Variants in ERBB4 observed in about 807,000 individuals in gnomAD.
ERBB4 encodes erb-b2 receptor tyrosine kinase 4.
In ERBB4, 42 loss-of-function variants were observed where a neutral mutation model predicts 158.0. The ratio of observed to expected loss-of-function variants is 0.27; its 90% CI spans 0.21 to 0.34. The LOEUF (loss-of-function observed/expected upper bound fraction) is 0.34. Among genes scored for constraint, ERBB4 ranks in the 10% least tolerant of loss-of-function variants. ERBB4 has a pLI of 1.00. For missense variants in ERBB4, 1,333 were observed against 1,624.1 expected, an observed-to-expected ratio of 0.82 and a Z score of 3.08; for synonymous variants, 583 against 558.7, an observed-to-expected ratio of 1.04 and a Z score of -0.61.
intron 1 of ERBB4, among the ~76,000 whole-genome samples, chr2:212,131,402 C>T (rs1190942780): frequency 2.0e-5 from 3 of 152,136 alleles, no homozygotes; most frequent in African/African-American, 7.2e-5. Flanking sequence ...TTGTAAGAAT[C>T]TGTAGTCATC....
intron 3 of ERBB4, among the ~76,000 whole-genome samples, chr2:211,890,481 G>A (rs528703043): frequency 1.3e-5 from 2 of 151,972 alleles, no homozygotes; most frequent in Admixed American, 6.6e-5. Context: ...TCGAGACTAG[G>A]AAGAACCTGC....
At chr2:211,910,955 C>G (rs980077179) in intron 3 of ERBB4, among the ~76,000 whole-genome samples, 1 of 152,104 alleles carries the variant, frequency 6.6e-6, no homozygotes, top group African/African-American at 2.4e-5. Flanking sequence ...CAAAACAGAA[C>G]AGTGCTAACC....
intron 14 of ERBB4, among the ~76,000 whole-genome samples, chr2:211,669,216 C>CAAAAAAAAAAAAAAAAA (rs71054124): frequency 7.1e-5 from 4 of 56,106 alleles, no homozygotes; most frequent in Non-Finnish European, 1.4e-4. Context: ...GAGTGAGTCT[C>CAAAAAAAAAAAAAAAAA]AAAAAAAAAA....
intron 25 of ERBB4, among the ~76,000 whole-genome samples, chr2:211,406,536 C>T (rs1261133015): frequency 1.3e-5 from 2 of 152,028 alleles, no homozygotes; most frequent in African/African-American, 2.4e-5. Flanking sequence ...ATATACTCAT[C>T]TTTAATGTAC....
chr2:212,534,138 A>T (rs1433444139), intron 1 of ERBB4, among the ~76,000 whole-genome samples: 1 of 152,224 alleles, frequency 6.6e-6, no homozygotes, highest in African/African-American at 2.4e-5. Flanking sequence ...TTTTAAGAAC[A>T]TGTTAACTTT....
intron 4 of ERBB4, among the ~76,000 whole-genome samples, chr2:211,757,331 T>C (rs11685867): frequency 0.43 from 65,477 of 151,996 alleles, 14,753 homozygotes; most frequent in Middle Eastern, 0.56. Flanking sequence ...TGCTAAAAAA[T>C]ATGAAGTTAA....
chr2:212,415,220 T>C (rs1005643702), intron 1 of ERBB4, among the ~76,000 whole-genome samples: 22 of 152,168 alleles, frequency 1.4e-4, no homozygotes, highest in South Asian at 4.1e-4. Flanking sequence ...TAATTTGATT[T>C]ATAAAAAAGG....
At chr2:211,842,624 T>C (rs565520325) in intron 3 of ERBB4, among the ~76,000 whole-genome samples, 11 of 152,124 alleles carry the variant, frequency 7.2e-5, no homozygotes, top group African/African-American at 2.4e-4. Flanking sequence ...TGCCTAAACA[T>C]TTTATTTTGT....
chr2:211,953,163 A>T (rs1268247563), intron 2 of ERBB4, among the ~76,000 whole-genome samples: 3 of 152,038 alleles, frequency 2.0e-5, no homozygotes, highest in African/African-American at 7.2e-5. Flanking sequence ...TGAACTTGCC[A>T]CTAATACAAA....
At chr2:211,557,320 GAAAA>G (rs1422375018) in intron 20 of ERBB4, among the ~76,000 whole-genome samples, 2 of 152,082 alleles carry the variant, frequency 1.3e-5, no homozygotes, top group African/African-American at 4.8e-5. Context: ...TCCACAGAGT[GAAAA>G]GATAACTTAC....
At chr2:211,738,641 C>T (rs1381643451) in intron 5 of ERBB4, among the ~76,000 whole-genome samples, 7 of 147,108 alleles carry the variant, frequency 4.8e-5, no homozygotes, top group Non-Finnish European at 6.0e-5. Flanking sequence ...CAGAGTGCTG[C>T]GGTTACAGGC....
intron 1 of ERBB4, among the ~76,000 whole-genome samples, chr2:212,145,862 C>T (rs1269976582): frequency 1.3e-5 from 2 of 151,934 alleles, no homozygotes; most frequent in Non-Finnish European, 2.9e-5. Flanking sequence ...CTTTCCTACC[C>T]ATCCTTCAAA....
intron 18 of ERBB4, among the ~76,000 whole-genome samples, chr2:211,622,715 T>C (rs1461815692): frequency 2.0e-5 from 3 of 151,236 alleles, no homozygotes; most frequent in Non-Finnish European, 4.4e-5. Flanking sequence ...CCTCTAATCC[T>C]AGCACTTTGG....
At chr2:211,817,966 T>A (rs945680190) in intron 3 of ERBB4, among the ~76,000 whole-genome samples, 12 of 152,180 alleles carry the variant, frequency 7.9e-5, no homozygotes, top group Non-Finnish European at 1.3e-4. Context: ...AGAAGACAGA[T>A]AAGAACTCAT....
At chr2:212,233,124 C>G in intron 1 of ERBB4, among the ~76,000 whole-genome samples, 1 of 152,068 alleles carries the variant, frequency 6.6e-6, no homozygotes, top group East Asian at 1.9e-4. Flanking sequence ...TTTTAAATCA[C>G]TATTTTTGAG....
intron 3 of ERBB4, among the ~76,000 whole-genome samples, chr2:211,893,030 G>T (rs1390676064): frequency 6.7e-6 from 1 of 148,232 alleles, no homozygotes; most frequent in Non-Finnish European, 1.5e-5. Context: ...AAGCTACCAA[G>T]ACTTTCCTCA....
At chr2:211,738,795 T>C (rs1575075830) in intron 5 of ERBB4, among the ~76,000 whole-genome samples, 1 of 151,398 alleles carries the variant, frequency 6.6e-6, no homozygotes, top group South Asian at 2.1e-4. Context: ...GCCTCCCAAA[T>C]AGCTGAGATT....
At chr2:211,941,410 G>T (rs2080492312) in intron 3 of ERBB4, among the ~76,000 whole-genome samples, 1 of 152,026 alleles carries the variant, frequency 6.6e-6, no homozygotes, top group Admixed American at 6.6e-5. Flanking sequence ...CCTTTCACAG[G>T]GTAGTTGAAG....
intron 17 of ERBB4, among the ~76,000 whole-genome samples, chr2:211,627,342 C>T (rs777016382): frequency 1.2e-4 from 19 of 152,242 alleles, no homozygotes; most frequent in Non-Finnish European, 1.8e-4. Context: ...AATCAAATTG[C>T]TCTTCAATAA....
Sources: allele counts gnomAD v4.1 joint callset (sites outside exome capture counted in the v4.1 genomes callset), GRCh38; gene constraint gnomAD v4.1.1; transcripts MANE v1.5; gene names NCBI Gene and HGNC (gene_info 2026-07-23, HGNC 2026-07-21).